Variants in NFKBIZ observed in about 807,000 individuals in gnomAD.
NFKBIZ encodes the protein NF-kappa-B inhibitor zeta.
In NFKBIZ, 19 loss-of-function variants were observed where a neutral mutation model predicts 76.8. The observed-to-expected ratio is 0.25, with a 90% CI of 0.17 to 0.36. NFKBIZ has a LOEUF of 0.36. NFKBIZ is among the 10% of genes least tolerant of loss of function. The pLI is 1.00. For synonymous variants in NFKBIZ, 368 were observed against 354.8 expected (o/e 1.04, Z -0.42); for missense variants, 829 against 910.9 (o/e 0.91, Z 1.16).
rs995292277 is a variant in NFKBIZ, at chr3:101,849,614, G to A, written c.-15G>A. The A allele has an allele frequency of 1.3e-5, 17 of 1,332,556 alleles. No homozygotes were observed. Among genetic ancestry groups the A allele is most frequent in the Non-Finnish European group, 1.5e-5 (16 of 1,045,366 alleles). The allele number at this position is 1,332,556 out of a possible 1,614,324, so 82.5% of individuals were successfully genotyped here. A position where few individuals can be genotyped will look rare whatever the true frequency, so the allele number is the denominator to read the frequency against. On this transcript the variant is annotated 5_prime_UTR_variant, in exon 1 of 12. Transcript: ENST00000326172. The stretch of plus-strand genomic sequence containing the variant: ...GGCGCAGGTGTCGGGGTCCTCGAGC[G>A]CCCAGCCTGGGAGCATGATTGTGGA...
At chr3:101,858,641 C>T (rs1022759741) in intron 11 of NFKBIZ, among the ~76,000 whole-genome samples, 2 of 152,092 alleles carry the variant, frequency 1.3e-5, no homozygotes, top group Non-Finnish European at 2.9e-5. Flanking sequence ...ATACTGTGGT[C>T]GTGTGTTTCC....
Position 101,831,813 on chromosome 3 carries a change from G to A in NFKBIZ, c.-12+2125G>A, listed in dbSNP as rs1039721045. Among the ~76,000 whole-genome samples the A allele has an allele frequency of 4.6e-5, 7 of 152,070 alleles. No homozygotes were observed. The South Asian group carries it at 1.5e-3, about 32-fold the overall frequency. On this transcript the variant is annotated intron_variant, in intron 2 of 12. Coordinates refer to the NFKBIZ transcript ENST00000394054. ...ATGCCACCACGCCCAACTAATTTTT[G>A]TATTTTTAGTAGAGTGGAGTTTCAC... is the stretch of plus-strand genomic sequence containing the variant.
intron 2 of NFKBIZ, among the ~76,000 whole-genome samples, chr3:101,839,335 A>G (rs1942760434): frequency 6.6e-6 from 1 of 152,212 alleles, no homozygotes; most frequent in Admixed American, 6.5e-5. Flanking sequence ...TAAATAAGAC[A>G]TAAAATTATA....
chr3:101,852,472 A>G (rs555351229), intron 2 of NFKBIZ, among the ~76,000 whole-genome samples: 2 of 152,370 alleles, frequency 1.3e-5, no homozygotes, highest in African/African-American at 2.4e-5. Context: ...CAGAGGCTCA[A>G]CTGAAATGGA....
Position 101,859,872 on chromosome 3 carries a change from G to A in NFKBIZ, c.*501G>A, listed in dbSNP as rs1485682428. On this transcript the variant is annotated 3_prime_UTR_variant, in exon 12 of 12. Coordinates refer to ENST00000326172, the MANE Select transcript of NFKBIZ (RefSeq NM_031419.4). The stretch of plus-strand genomic sequence containing the variant: ...TGAAAGGTGTCCATGGTTAGAATTT[G>A]ATCTTTGCAAACTGTATATAATTGT... 1 of 153,500 alleles carries A rather than the reference G, an allele frequency of 6.5e-6. No individual in the cohort carries two copies. The highest frequency in any genetic ancestry group is 6.5e-5 in the Admixed American group (1 of 15,502). 9.5% of individuals were successfully genotyped at this position (153,500 alleles called of 1,614,324 possible). A position where few individuals can be genotyped will look rare whatever the true frequency, so the allele number is the denominator to read the frequency against.
chr3:101,856,044 G>T, intron 9 of NFKBIZ, 142 bp downstream of exon 9: 1 of 696,176 alleles, frequency 1.4e-6, no homozygotes, highest in Non-Finnish European at 2.2e-6. Context: ...GGGTGGTTAA[G>T]AAGCCCAGAA....
intron 2 of NFKBIZ, among the ~76,000 whole-genome samples, chr3:101,832,464 A>G (rs1942659444): frequency 6.6e-6 from 1 of 152,034 alleles, no homozygotes; most frequent in Admixed American, 6.6e-5. Context: ...CAATAATTCT[A>G]CATTTCTCCC....
At chr3:101,843,037 A>C (rs1942808367) in intron 2 of NFKBIZ, among the ~76,000 whole-genome samples, 5 of 148,208 alleles carry the variant, frequency 3.4e-5, no homozygotes, top group South Asian at 2.1e-4. Context: ...AAAAAAAAAA[A>C]AAAAAAAAAA....
At chr3:101,834,397 G>C (rs1287264528) in intron 2 of NFKBIZ, among the ~76,000 whole-genome samples, 1 of 149,248 alleles carries the variant, frequency 6.7e-6, no homozygotes, top group African/African-American at 2.5e-5. Flanking sequence ...GTCTCACTCT[G>C]TTACCCAGGC....
intron 2 of NFKBIZ, among the ~76,000 whole-genome samples, chr3:101,842,891 A>C (rs1363028545): frequency 3.3e-5 from 5 of 151,454 alleles, no homozygotes; most frequent in Non-Finnish European, 5.9e-5. Flanking sequence ...GGGTTTCAGA[A>C]CCAGGTGTTC....
At chr3:101,855,943 A>G (rs767409405) in intron 9 of NFKBIZ, 41 bp downstream of exon 9, 3 of 1,538,572 alleles carry the variant, frequency 1.9e-6, no homozygotes, top group African/African-American at 2.8e-5. Context: ...TAGGGGAGAA[A>G]CTGGTTATAT....
At chr3:101,843,761 C>T (rs1419672540) in intron 2 of NFKBIZ, among the ~76,000 whole-genome samples, 2 of 152,144 alleles carry the variant, frequency 1.3e-5, no homozygotes, top group African/African-American at 2.4e-5. Context: ...TAATGTCTTG[C>T]ATTGTTCATT....
chr3:101,829,879 T>G (rs5851285), intron 2 of NFKBIZ, among the ~76,000 whole-genome samples: 14,764 of 150,206 alleles, frequency 0.098, 878 homozygotes, highest in African/African-American at 0.16. Flanking sequence ...CTAAGATTTT[T>G]TGTGTGTGTG....
chr3:101,858,786 C>G (rs930846501), intron 11 of NFKBIZ, among the ~76,000 whole-genome samples: 1 of 152,104 alleles, frequency 6.6e-6, no homozygotes, highest in Non-Finnish European at 1.5e-5. Flanking sequence ...TCTGAATGAG[C>G]CGGGATCTTT....
chr3:101,854,731 A>C, intron 6 of NFKBIZ, 48 bp downstream of exon 6: 1 of 1,283,866 alleles, frequency 7.8e-7, no homozygotes, highest in Non-Finnish European at 1.1e-6. Flanking sequence ...GGTCATGGTG[A>C]AGTGAATGAT....
intron 2 of NFKBIZ, among the ~76,000 whole-genome samples, chr3:101,830,872 A>G (rs542505492): frequency 2.8e-4 from 42 of 152,362 alleles, no homozygotes; most frequent in African/African-American, 9.6e-4. Context: ...AACAATAATC[A>G]CAATGCTACA....
At chr3:101,835,222 G>T (rs566179445) in intron 2 of NFKBIZ, among the ~76,000 whole-genome samples, 4 of 152,294 alleles carry the variant, frequency 2.6e-5, no homozygotes, top group African/African-American at 9.6e-5. Flanking sequence ...AGTGAATGGA[G>T]CTTGGATTTG....
At chr3:101,857,714 T>C (rs1943071250) in intron 11 of NFKBIZ, 2 of 985,326 alleles carry the variant, frequency 2.0e-6, no homozygotes, top group Non-Finnish European at 2.4e-6. Context: ...ACACTTAGGG[T>C]TAGAGTAAGT....
rs1489909837 is a variant in NFKBIZ at position 101,853,519 on chromosome 3, A to G, written c.993A>G (p.Glu331=). 6.2e-7 allele frequency: 1 copy of G among 1,614,236 alleles called. No homozygotes were observed. The highest frequency in any genetic ancestry group is 8.5e-7 in the Non-Finnish European group (1 of 1,180,026). Residue 331 remains glutamate, a synonymous_variant, in exon 5 of 12, where the codon GAA becomes GAG. Transcript: ENST00000326172. ...AYEPNLFDGP[E]SQFCPNQSLV... ...AACCAAACCTCTTTGATGGTCCAGA[A>G]TCACAGTTTTGCCCAAACCAAAGCT...
Sources: allele counts gnomAD v4.1 joint callset (sites outside exome capture counted in the v4.1 genomes callset), GRCh38; gene constraint gnomAD v4.1.1; transcripts MANE v1.5; gene names NCBI Gene and HGNC (gene_info 2026-07-23, HGNC 2026-07-21).